The following LDB2 variants were observed in gnomAD, a reference collection of about 807,000 sequenced individuals.
LDB2 encodes the protein LIM domain binding 2, also known as LIM domain-binding protein 2.
In LDB2, 12 loss-of-function variants were observed where a neutral mutation model predicts 44.3. The ratio of observed to expected loss-of-function variants is 0.27; its 90% CI spans 0.17 to 0.44. LDB2 has a LOEUF of 0.44. Ranked by LOEUF, LDB2 falls within the 20% of genes least tolerant of loss-of-function variation. The pLI is 1.00. For synonymous variants in LDB2, 164 were observed against 174.8 expected (o/e 0.94, Z 0.49); for missense variants, 344 against 473.5 (o/e 0.73, Z 2.54).
At chr4:16,691,023 C>A (rs572978853) in intron 2 of LDB2, among the ~76,000 whole-genome samples, 2 of 152,060 alleles carry the variant, frequency 1.3e-5, no homozygotes, top group East Asian at 3.9e-4. Context: ...ATAGTCCAGG[C>A]AATTTATGTT....
chr4:16,885,799 G>A (rs10017004), intron 1 of LDB2, among the ~76,000 whole-genome samples: 13,009 of 152,246 alleles, frequency 0.085, 1,785 homozygotes, highest in African/African-American at 0.29. Context: ...GTTGGGGATA[G>A]GGAGTGAGAG....
intron 3 of LDB2, among the ~76,000 whole-genome samples, chr4:16,590,070 A>G (rs1299651055): frequency 6.6e-6 from 1 of 152,132 alleles, no homozygotes; most frequent in Non-Finnish European, 1.5e-5. Flanking sequence ...AGAAAACACA[A>G]AGCGCTAGAC....
At chr4:16,517,131 G>A (rs1724043448) in intron 5 of LDB2, among the ~76,000 whole-genome samples, 1 of 152,152 alleles carries the variant, frequency 6.6e-6, no homozygotes, top group Non-Finnish European at 1.5e-5. Context: ...AAATCCGTTG[G>A]GAGCTGCCAT....
intron 2 of LDB2, among the ~76,000 whole-genome samples, chr4:16,603,770 T>C (rs1157545640): frequency 6.6e-6 from 1 of 152,196 alleles, no homozygotes; most frequent in African/African-American, 2.4e-5. Flanking sequence ...AAGAAAAAGT[T>C]GGCATCTTTA....
intron 1 of LDB2, among the ~76,000 whole-genome samples, chr4:16,862,823 G>T (rs2314213): frequency 2.0e-5 from 3 of 151,744 alleles, no homozygotes; most frequent in Non-Finnish European, 4.4e-5. Context: ...GAGATGGGAA[G>T]AAAGCCACAG....
At chr4:16,720,363 G>A (rs1277177434) in intron 2 of LDB2, among the ~76,000 whole-genome samples, 1 of 152,094 alleles carries the variant, frequency 6.6e-6, no homozygotes, top group Non-Finnish European at 1.5e-5. Flanking sequence ...TGCAATGTCA[G>A]CTCACACCTG....
At chr4:16,898,112 C>T (rs116071308) in intron 1 of LDB2, among the ~76,000 whole-genome samples, 2,473 of 151,648 alleles carry the variant, frequency 0.016, 72 homozygotes, top group African/African-American at 0.056. Context: ...TCTGGAAACC[C>T]GGCATGTGAA....
At chr4:16,752,517 T>C (rs1765687005) in intron 2 of LDB2, 1 of 415,110 alleles carries the variant, frequency 2.4e-6, no homozygotes, top group African/African-American at 2.1e-5. Flanking sequence ...TTCTTCCCAC[T>C]ATGTGCCAAA....
chr4:16,807,433 C>G (rs1242974981), intron 1 of LDB2, among the ~76,000 whole-genome samples: 1 of 152,152 alleles, frequency 6.6e-6, no homozygotes, highest in Non-Finnish European at 1.5e-5. Context: ...GTGTGAGAAA[C>G]AGAACTGTGT....
chr4:16,528,968 C>T (rs556852918), intron 5 of LDB2, among the ~76,000 whole-genome samples: 4 of 152,244 alleles, frequency 2.6e-5, no homozygotes, highest in South Asian at 2.1e-4. Flanking sequence ...AATCTTCAAC[C>T]GTACCTGGAT....
At chr4:16,581,954 GAAAT>G (rs1351505842) in intron 5 of LDB2, among the ~76,000 whole-genome samples, 2 of 147,922 alleles carry the variant, frequency 1.4e-5, no homozygotes, top group African/African-American at 2.5e-5. Context: ...GGGAGGGAGG[GAAAT>G]AAAAGAAAGA....
At chr4:16,657,728 C>T (rs1183705604) in intron 2 of LDB2, among the ~76,000 whole-genome samples, 1 of 152,226 alleles carries the variant, frequency 6.6e-6, no homozygotes, top group African/African-American at 2.4e-5. Context: ...GTCTGGAACA[C>T]CTTTCCCCAG....
Position 16,869,130 on chromosome 4 carries a change from A to T in LDB2, c.132+29224T>A, listed in dbSNP as rs183031615. Among the ~76,000 whole-genome samples, 241 of 152,240 alleles carry T rather than the reference A, an allele frequency of 1.6e-3. 2 individuals carry two copies. The highest frequency in any genetic ancestry group is 6.8e-3 in the Middle Eastern group (2 of 294). ...TCAACAATGCTATGAGGTGGGCATC[A>T]TTATTGTTATTATTATTATTTTAAT... On this transcript the variant is annotated intron_variant, in intron 1 of 7. Transcript: ENST00000304523.
In LDB2 at chr4:16,501,552, A is replaced by G. The variant is rs1717539063; in HGVS notation, c.*1091T>C. On this transcript the variant is annotated 3_prime_UTR_variant, in exon 8 of 8. Transcript: ENST00000304523. ...CCAGATTCACTTGCTTTGGTCATTAACACAGTTTATTATTGGCACACTTAT... is the reference window on the plus strand; with the variant it reads ...CCAGATTCACTTGCTTTGGTCATTAGCACAGTTTATTATTGGCACACTTAT... 2 of 152,652 alleles carry G rather than the reference A, an allele frequency of 1.3e-5. No individual in the cohort carries two copies. The highest frequency in any genetic ancestry group is 4.8e-5 in the African/African-American group (2 of 41,452). The allele number at this position is 152,652 out of a possible 1,614,324, so 9.5% of individuals were successfully genotyped here. A position where few individuals can be genotyped will look rare whatever the true frequency, so the allele number is the denominator to read the frequency against.
intron 1 of LDB2, among the ~76,000 whole-genome samples, chr4:16,789,727 T>C (rs1485298469): frequency 2.6e-5 from 4 of 152,160 alleles, no homozygotes; most frequent in Admixed American, 2.6e-4. Context: ...GTCAGGAGTT[T>C]GAGACCATCC....
chr4:16,756,828 T>C (rs1766764046), intron 2 of LDB2, among the ~76,000 whole-genome samples: 1 of 151,794 alleles, frequency 6.6e-6, no homozygotes, highest in Non-Finnish European at 1.5e-5. Flanking sequence ...TAAAGTATTA[T>C]AGACCCAAAA....
intron 1 of LDB2, among the ~76,000 whole-genome samples, chr4:16,841,600 G>C (rs1401496225): frequency 2.6e-5 from 4 of 152,178 alleles, no homozygotes; most frequent in Non-Finnish European, 4.4e-5. Context: ...CAGACACGTT[G>C]TGCATTTTTT....
At chr4:16,643,091 C>T (rs545019685) in intron 2 of LDB2, among the ~76,000 whole-genome samples, 19 of 147,804 alleles carry the variant, frequency 1.3e-4, no homozygotes, top group Non-Finnish European at 1.8e-4. Flanking sequence ...AACAATTTCC[C>T]GGTAGATGGC....
intron 1 of LDB2, among the ~76,000 whole-genome samples, chr4:16,819,576 A>G (rs908774003): frequency 3.9e-5 from 6 of 152,132 alleles, no homozygotes; most frequent in South Asian, 2.1e-4. Flanking sequence ...GTACTCTCTA[A>G]AAAGCATTAG....
Sources: gnomAD v4.1 joint callset for allele counts (sites outside exome capture counted in the v4.1 genomes callset) on GRCh38, gnomAD v4.1.1 for gene constraint, MANE v1.5 for transcripts, NCBI Gene and HGNC (gene_info 2026-07-23, HGNC 2026-07-21) for gene names.